Variants in CDK6 observed in about 807,000 individuals in gnomAD.
CDK6 encodes cyclin-dependent kinase 6.
In CDK6, 6 loss-of-function variants were observed where a neutral mutation model predicts 37.1. The ratio of observed to expected loss-of-function variants is 0.16; its 90% CI spans 0.09 to 0.32. The LOEUF is 0.32. Ranked by LOEUF, CDK6 falls within the 10% of genes least tolerant of loss-of-function variation. CDK6 has a pLI of 1.00. For missense variants in CDK6, 224 were observed against 418.9 expected (o/e 0.53, Z 4.06); for synonymous variants, 160 against 161.3 (o/e 0.99, Z 0.06).
intron 4 of CDK6, among the ~76,000 whole-genome samples, chr7:92,714,573 C>A (rs895570288): frequency 6.6e-6 from 1 of 152,152 alleles, no homozygotes; most frequent in African/African-American, 2.4e-5. Context: ...GCTGTTCCCA[C>A]AGCTCCCTTC....
intron 4 of CDK6, among the ~76,000 whole-genome samples, chr7:92,712,930 C>G (rs1798134478): frequency 1.3e-5 from 2 of 152,142 alleles, no homozygotes; most frequent in Admixed American, 1.3e-4. Context: ...CTGGAGTGAT[C>G]TTGGCTCACT....
At chr7:92,781,998 T>C (rs1800004631) in intron 2 of CDK6, among the ~76,000 whole-genome samples, 1 of 152,180 alleles carries the variant, frequency 6.6e-6, no homozygotes, top group African/African-American at 2.4e-5. Context: ...CAGCACCAAA[T>C]GGTATAGCTC....
chr7:92,687,857 G>A lies in CDK6; in HGVS notation c.538-16322C>T, dbSNP rs559910882. On this transcript the variant is annotated intron_variant, in intron 4 of 7. Coordinates refer to ENST00000424848, the MANE Select transcript of CDK6 (RefSeq NM_001145306.2). ...CCTATTTATATAACCATAGATTAAT[G>A]TTGCTGCTCCTTGAATTTCATATAA... 4.6e-5 allele frequency among the ~76,000 whole-genome samples: 7 copies of A among 152,228 alleles called. No homozygotes were observed. In the South Asian group the frequency reaches 8.3e-4, roughly 18 times the overall value.
intron 5 of CDK6, among the ~76,000 whole-genome samples, chr7:92,648,406 C>G (rs1349528300): frequency 6.6e-6 from 1 of 151,920 alleles, no homozygotes; most frequent in East Asian, 1.9e-4. Flanking sequence ...AAGACAAAGA[C>G]CAAAGGGGTA....
intron 3 of CDK6, among the ~76,000 whole-genome samples, chr7:92,736,240 C>T (rs1174232228): frequency 1.3e-5 from 2 of 151,930 alleles, no homozygotes; most frequent in Admixed American, 1.3e-4. Context: ...GGATATTATG[C>T]TTAAGCACTT....
At chr7:92,771,943 C>G (rs1799727187) in intron 3 of CDK6, among the ~76,000 whole-genome samples, 1 of 152,272 alleles carries the variant, frequency 6.6e-6, no homozygotes, top group Admixed American at 6.5e-5. Context: ...TCAGATTCTC[C>G]TACTTAGCAG....
Position 92,812,565 on chromosome 7 carries a change from T to C in CDK6, c.233+20526A>G, listed in dbSNP as rs575139739. 4.9e-3 allele frequency among the ~76,000 whole-genome samples: 746 copies of C among 151,640 alleles called. 15 individuals are homozygous for C. Among genetic ancestry groups the C allele is most frequent in the Non-Finnish European group, 5.9e-3 (398 of 67,858 alleles). Reference sequence around the variant, plus strand: ...CCTCCAGAGTAGCCGGGACCAGAGGTGAGTGCCACTATACCTGGCTAAATT... The same window carrying C: ...CCTCCAGAGTAGCCGGGACCAGAGGCGAGTGCCACTATACCTGGCTAAATT... On this transcript the variant is annotated intron_variant, in intron 2 of 7. Transcript: ENST00000424848.
At chr7:92,630,546 A>C (rs1255459421) in intron 5 of CDK6, among the ~76,000 whole-genome samples, 1 of 152,198 alleles carries the variant, frequency 6.6e-6, no homozygotes, top group African/African-American at 2.4e-5. Flanking sequence ...AAACTTCGGA[A>C]GCTATAATTC....
intron 4 of CDK6, among the ~76,000 whole-genome samples, chr7:92,675,545 A>G (rs925704034): frequency 6.6e-6 from 1 of 152,214 alleles, no homozygotes; most frequent in African/African-American, 2.4e-5. Flanking sequence ...ATTGACTTAT[A>G]TTCATAAATG....
chr7:92,678,226 A>G (rs1423942137), intron 4 of CDK6, among the ~76,000 whole-genome samples: 1 of 152,244 alleles, frequency 6.6e-6, no homozygotes, highest in East Asian at 1.9e-4. Flanking sequence ...TGCAATATAT[A>G]AAGATCAACA....
chr7:92,832,876 T>C (rs976850343), intron 2 of CDK6, among the ~76,000 whole-genome samples: 1 of 152,294 alleles, frequency 6.6e-6, no homozygotes. Flanking sequence ...CATGTTTTTT[T>C]GACTTGTCTT....
intron 4 of CDK6, among the ~76,000 whole-genome samples, chr7:92,706,732 G>C (rs1173297603): frequency 2.0e-5 from 3 of 152,276 alleles, no homozygotes; most frequent in East Asian, 3.9e-4. Context: ...CTGAGATATG[G>C]TGCCTGAAAG....
At chr7:92,642,726 G>GA (rs1796340368) in intron 5 of CDK6, among the ~76,000 whole-genome samples, 1 of 151,984 alleles carries the variant, frequency 6.6e-6, no homozygotes, top group Non-Finnish European at 1.5e-5. Context: ...TACAATTGAG[G>GA]AAACTGAGGT....
intron 5 of CDK6, among the ~76,000 whole-genome samples, chr7:92,665,087 A>G (rs949403198): frequency 6.6e-6 from 1 of 152,002 alleles, no homozygotes; most frequent in African/African-American, 2.4e-5. Flanking sequence ...GCCTGGCCGC[A>G]TGTTTTATTT....
At chr7:92,644,869 T>C (rs1386786435) in intron 5 of CDK6, among the ~76,000 whole-genome samples, 1 of 152,296 alleles carries the variant, frequency 6.6e-6, no homozygotes, top group East Asian at 1.9e-4. Flanking sequence ...AGGCTGCCAA[T>C]GTGGGCCTCC....
intron 2 of CDK6, among the ~76,000 whole-genome samples, chr7:92,812,130 C>T (rs1226007040): frequency 3.9e-5 from 6 of 152,122 alleles, no homozygotes; most frequent in African/African-American, 1.4e-4. Flanking sequence ...CAGAGTGAGA[C>T]TCCAACTCAA....
At chr7:92,648,492 G>A (rs1047293956) in intron 5 of CDK6, among the ~76,000 whole-genome samples, 1 of 152,190 alleles carries the variant, frequency 6.6e-6, no homozygotes, top group Non-Finnish European at 1.5e-5. Context: ...ATCAAGTGAA[G>A]GGATGAATCC....
chr7:92,814,267 CT>C (rs1456793195), intron 2 of CDK6, among the ~76,000 whole-genome samples: 1 of 152,038 alleles, frequency 6.6e-6, no homozygotes, highest in African/African-American at 2.4e-5. Flanking sequence ...AAACAATGTT[CT>C]TTCTTCAATT....
intron 2 of CDK6, among the ~76,000 whole-genome samples, chr7:92,789,977 A>G (rs920375719): frequency 6.6e-6 from 1 of 152,140 alleles, no homozygotes; most frequent in African/African-American, 2.4e-5. Context: ...CACCACCACT[A>G]TGACAATCTA....
Sources: allele counts gnomAD v4.1 joint callset (sites outside exome capture counted in the v4.1 genomes callset), GRCh38; gene constraint gnomAD v4.1.1; transcripts MANE v1.5; gene names NCBI Gene and HGNC (gene_info 2026-07-23, HGNC 2026-07-21).